CREBBP: variants seen among roughly 807,000 people sequenced by gnomAD.
CREBBP encodes CREB-binding protein.
A neutral mutation model predicts 265.0 loss-of-function variants in CREBBP; 19 were observed. The observed-to-expected ratio is 0.07, with a 90% CI of 0.05 to 0.11. The LOEUF (loss-of-function observed/expected upper bound fraction) is 0.11, where lower values mean the gene tolerates loss of function less well. Ranked by LOEUF, CREBBP falls within the 10% of genes least tolerant of loss-of-function variation. The probability of loss-of-function intolerance (pLI) is 1.00; values close to 1 mark genes in which losing one functional copy is unlikely to be tolerated. For synonymous variants in CREBBP, 1,457 were observed against 1,223.7 expected, an observed-to-expected ratio of 1.19 and a Z score of -3.98; for missense variants, 2,525 against 3,219.0, an observed-to-expected ratio of 0.78 and a Z score of 5.22.
At chr16:3,869,115 T>A (rs2055239992) in intron 1 of CREBBP, among the ~76,000 whole-genome samples, 1 of 152,278 alleles carries the variant, frequency 6.6e-6, no homozygotes, top group Non-Finnish European at 1.5e-5. Context: ...TGCCATCTCC[T>A]ATTCACCCTC....
At chr16:3,746,146 T>C (rs129963) in intron 21 of CREBBP, among the ~76,000 whole-genome samples, 64,805 of 152,052 alleles carry the variant, frequency 0.43, 16,306 homozygotes, top group Non-Finnish European at 0.58. Context: ...CCTCCGAGGA[T>C]AGGCTGAAGG....
intron 28 of CREBBP, 31 bp downstream of exon 28, chr16:3,736,004 GT>G: frequency 6.2e-7 from 1 of 1,614,140 alleles, no homozygotes. Context: ...AGCGGGACAC[GT>G]GGGCAATGGA....
intron 1 of CREBBP, among the ~76,000 whole-genome samples, chr16:3,852,153 A>ATT (rs1279166656): frequency 1.0e-4 from 11 of 105,822 alleles, no homozygotes; most frequent in African/African-American, 1.8e-4. Context: ...CCAATCTTAA[A>ATT]TTTGTTTTTT....
rs777567863 is a variant in CREBBP at position 3,774,614 on chromosome 16, T to C, written c.2238A>G (p.Pro746=). ...QAPMGPRAAS[P]MNHSVQMNSM... ...TGTTCATCTGGACAGAGTGGTTCAT[T>C]GGGGAGGCTGCACGAGGTCCCATGG... Residue 746 remains proline, a synonymous_variant, in exon 12 of 31, where the codon CCA becomes CCG. Transcript: ENST00000262367. 1.9e-6 allele frequency: 3 copies of C among 1,614,106 alleles called. No homozygotes were observed. In the East Asian group the frequency reaches 6.7e-5, roughly 36 times the overall value.
chr16:3,778,098 G>C lies in CREBBP; in HGVS notation c.2026C>G (p.Gln676Glu). 1 of 1,614,072 alleles carries C rather than the reference G, an allele frequency of 6.2e-7. No individual in the cohort carries two copies. Among genetic ancestry groups the C allele is most frequent in the Non-Finnish European group, 8.5e-7 (1 of 1,179,942 alleles). ...EEKRRSRLHK[Q>E]GILGNQPALP... ...GCTGGCTGGTTCCCCAAGATGCCTT[G>C]TTTATGTAAACGCGACCTCCGTTTT... Residue 676 changes from glutamine to glutamate, a missense_variant, in exon 10 of 31, where the codon CAA becomes GAA. Transcript: ENST00000262367.
At chr16:3,759,826 C>G (rs144269319) in intron 16 of CREBBP, among the ~76,000 whole-genome samples, 1 of 152,316 alleles carries the variant, frequency 6.6e-6, no homozygotes, top group African/African-American at 2.4e-5. Flanking sequence ...CTACTACACT[C>G]TCTGTTTTCA....
chr16:3,851,171 C>A (rs1453820266), intron 1 of CREBBP, among the ~76,000 whole-genome samples, 162 bp from the exon 2 acceptor site: 5 of 151,554 alleles, frequency 3.3e-5, no homozygotes, highest in African/African-American at 1.2e-4. Context: ...GCCTGTAATC[C>A]CAGCTACTCG....
In CREBBP at chr16:3,792,069, T is replaced by C. The variant is rs747397981; in HGVS notation, c.1242A>G (p.Gln414=). ...TGCAGTTCTTCCAATGAGAGATGAT[T>C]TGTCGTGAAGATGCACAATGGGCAA... The part of the protein sequence containing the change: ...CQVAHCASSR[Q]IISHWKNCTR... Residue 414 remains glutamine (Q), a synonymous_variant, in exon 5 of 31, where the codon CAA becomes CAG. Coordinates refer to ENST00000262367, the MANE Select transcript of CREBBP (RefSeq NM_004380.3). 1.9e-6 allele frequency: 3 copies of C among 1,614,228 alleles called. No homozygotes were observed. The highest frequency in any genetic ancestry group is 2.5e-6 in the Non-Finnish European group (3 of 1,180,028).
At chr16:3,858,835 C>G (rs547457194) in intron 1 of CREBBP, among the ~76,000 whole-genome samples, 1 of 152,336 alleles carries the variant, frequency 6.6e-6, no homozygotes, top group South Asian at 2.1e-4. Flanking sequence ...GCTACAAACT[C>G]AGCATCAATG....
chr16:3,762,186 C>CA lies in CREBBP; in HGVS notation c.3251-3215dup, dbSNP rs1431314341. Among the ~76,000 whole-genome samples the CA allele has an allele frequency of 5.9e-5, 9 of 152,236 alleles. No homozygotes were observed. In the East Asian group the frequency reaches 1.7e-3, roughly 29 times the overall value. ...GTGGTAACAGAGGCCTCAGGACGCA[C>CA]AAAGCCCACAGCGTGGATCACTGGG... is the stretch of plus-strand genomic sequence containing the variant. On this transcript the variant is annotated intron_variant, in intron 16 of 30. Coordinates refer to ENST00000262367, the MANE Select transcript of CREBBP (RefSeq NM_004380.3).
chr16:3,774,528 G>C, intron 12 of CREBBP, 41 bp downstream of exon 12: 1 of 1,613,170 alleles, frequency 6.2e-7, no homozygotes, highest in Non-Finnish European at 8.5e-7. Flanking sequence ...TTCCATGTGA[G>C]AGGGAGGGCT....
chr16:3,872,316 C>T (rs941774149), intron 1 of CREBBP, among the ~76,000 whole-genome samples: 1 of 152,148 alleles, frequency 6.6e-6, no homozygotes, highest in East Asian at 1.9e-4. Flanking sequence ...TTTGTGTGCC[C>T]TTGCTCAAAT....
At chr16:3,786,076 A>G (rs2053380896) in intron 5 of CREBBP, among the ~76,000 whole-genome samples, 1 of 152,246 alleles carries the variant, frequency 6.6e-6, no homozygotes, top group African/African-American at 2.4e-5. Flanking sequence ...GGTACGGCCA[A>G]GTGTAACTGG....
chr16:3,768,117 T>G (rs1056205453), intron 15 of CREBBP, among the ~76,000 whole-genome samples: 1 of 147,898 alleles, frequency 6.8e-6, no homozygotes, highest in Non-Finnish European at 1.5e-5. Context: ...AGTGCAATTA[T>G]GGTCCTAAAT....
chr16:3,866,651 T>C (rs1467473949), intron 1 of CREBBP, among the ~76,000 whole-genome samples: 1 of 152,190 alleles, frequency 6.6e-6, no homozygotes, highest in Admixed American at 6.5e-5. Flanking sequence ...TATGGTTTTT[T>C]GCTTTGTTTG....
chr16:3,772,915 CAAAA>C (rs144154476), intron 13 of CREBBP, among the ~76,000 whole-genome samples: 3 of 88,842 alleles, frequency 3.4e-5, no homozygotes, highest in Admixed American at 2.9e-4. Flanking sequence ...ACTAAAAATA[CAAAA>C]AAAAAAAAAA....
Position 3,725,387 on chromosome 16 carries a change from G to A in CREBBP, c.*2331C>T, listed in dbSNP as rs1348360499. On this transcript the variant is annotated 3_prime_UTR_variant, in exon 31 of 31. Coordinates refer to ENST00000262367, the MANE Select transcript of CREBBP (RefSeq NM_004380.3). Reference sequence around the variant, plus strand: ...GGCCCCTCCACTGCCCACATTAAAAGGCTGCACAACCAGGAGGGCGCCACT... The same window carrying A: ...GGCCCCTCCACTGCCCACATTAAAAAGCTGCACAACCAGGAGGGCGCCACT... 4.3e-6 allele frequency: 1 copy of A among 233,180 alleles called. No homozygotes were observed. The highest frequency in any genetic ancestry group is 8.5e-6 in the Non-Finnish European group (1 of 118,056). The allele number at this position is 233,180 out of a possible 1,614,324, so 14.4% of individuals were successfully genotyped here.
At chr16:3,809,016 A>C (rs1178144427) in intron 3 of CREBBP, among the ~76,000 whole-genome samples, 1 of 152,170 alleles carries the variant, frequency 6.6e-6, no homozygotes, top group Admixed American at 6.5e-5. Flanking sequence ...CTGGACCTGC[A>C]CTATCAGGAA....
At chr16:3,765,255 T>C (rs2052822946) in intron 16 of CREBBP, among the ~76,000 whole-genome samples, 1 of 152,172 alleles carries the variant, frequency 6.6e-6, no homozygotes, top group Admixed American at 6.5e-5. Flanking sequence ...GGATTACAGG[T>C]GTGAGGCACC....
Sources: allele counts gnomAD v4.1 joint callset (sites outside exome capture counted in the v4.1 genomes callset), GRCh38; gene constraint gnomAD v4.1.1; transcripts MANE v1.5; gene names NCBI Gene and HGNC (gene_info 2026-07-23, HGNC 2026-07-21).